The following MAD1L1 variants were observed in gnomAD, a reference collection of about 807,000 sequenced individuals.
The protein encoded by MAD1L1 is mitotic spindle assembly checkpoint protein MAD1.
A neutral mutation model predicts 96.9 loss-of-function variants in MAD1L1; 95 were observed. The observed-to-expected ratio is 0.98, with a 90% CI of 0.83 to 1.16. MAD1L1 has a LOEUF of 1.16. MAD1L1 is among the 50% of genes most tolerant of loss of function. The pLI is 0.00. For missense variants in MAD1L1, 1,007 were observed against 954.4 expected (o/e 1.06, Z -0.73); for synonymous variants, 473 against 396.6 (o/e 1.19, Z -2.29).
At chr7:2,044,250 G>A (rs929589653) in intron 12 of MAD1L1, among the ~76,000 whole-genome samples, 3 of 152,224 alleles carry the variant, frequency 2.0e-5, no homozygotes, top group African/African-American at 7.2e-5. Flanking sequence ...AACACTGTGA[G>A]GACACGCTGG....
At chr7:2,179,287 T>C (rs529720716) in intron 10 of MAD1L1, among the ~76,000 whole-genome samples, 2 of 152,114 alleles carry the variant, frequency 1.3e-5, no homozygotes, top group African/African-American at 4.8e-5. Context: ...CCCAGCACTT[T>C]GGGAGGCCGA....
At chr7:2,061,451 A>G (rs1297105063) in intron 12 of MAD1L1, among the ~76,000 whole-genome samples, 1 of 152,266 alleles carries the variant, frequency 6.6e-6, no homozygotes, top group Admixed American at 6.5e-5. Flanking sequence ...GCCAGTGAGC[A>G]TGTAAAAAGC....
At chr7:1,873,081 T>C (rs1051943564) in intron 18 of MAD1L1, among the ~76,000 whole-genome samples, 2 of 152,254 alleles carry the variant, frequency 1.3e-5, no homozygotes, top group Non-Finnish European at 2.9e-5. Context: ...AAGGGCTGCA[T>C]GCCGAGCCGT....
chr7:2,069,442 G>C, intron 11 of MAD1L1, 104 bp from the exon 12 acceptor site: 3 of 1,150,766 alleles, frequency 2.6e-6, no homozygotes, highest in South Asian at 1.7e-5. Flanking sequence ...TCCTAAAATA[G>C]AGCTGCACGT....
intron 17 of MAD1L1, among the ~76,000 whole-genome samples, chr7:1,929,073 C>T (rs753382246): frequency 2.6e-5 from 4 of 152,340 alleles, no homozygotes; most frequent in Admixed American, 2.0e-4. Flanking sequence ...GGCCTCCCCT[C>T]GAGGGCACCC....
rs1040986260 is a variant in MAD1L1 at position 1,956,739 on chromosome 7, C to T, written c.1596+890G>A. On this transcript the variant is annotated intron_variant, in intron 16 of 18. Coordinates refer to ENST00000265854, the MANE Select transcript of MAD1L1 (RefSeq NM_001013836.2). ...TGAGCTCCCGAGCACACGCCGTCTG[C>T]GCAGAACAGGGATGGTGGCCAGGCC... 3.3e-5 allele frequency among the ~76,000 whole-genome samples: 5 copies of T among 152,364 alleles called. No individual in the cohort carries two copies. The South Asian group carries it at 6.2e-4, about 19-fold the overall frequency.
intron 12 of MAD1L1, among the ~76,000 whole-genome samples, chr7:2,035,422 G>A (rs4248175): frequency 0.037 from 44 of 1,200 alleles, 6 homozygotes; most frequent in South Asian, 0.29. Context: ...GCATGAGCGC[G>A]GGAGCACTGA....
intron 11 of MAD1L1, among the ~76,000 whole-genome samples, chr7:2,081,254 G>A (rs977445952): frequency 6.6e-6 from 1 of 152,172 alleles, no homozygotes. Flanking sequence ...GTGGGCAGAG[G>A]AGTCACTTGG....
intron 18 of MAD1L1, among the ~76,000 whole-genome samples, chr7:1,817,891 C>T (rs1781906958): frequency 6.6e-6 from 1 of 151,990 alleles, no homozygotes; most frequent in South Asian, 2.1e-4. Flanking sequence ...CGCCCCTCCC[C>T]TCACCACCTT....
At chr7:1,903,497 C>G (rs1255730149) in intron 17 of MAD1L1, among the ~76,000 whole-genome samples, 276 of 82,212 alleles carry the variant, frequency 3.4e-3, no homozygotes, top group Middle Eastern at 0.033. Context: ...CAAGATTGAT[C>G]AAGCACTGTT....
chr7:2,057,181 T>A (rs1188343212), intron 12 of MAD1L1, among the ~76,000 whole-genome samples: 2 of 152,236 alleles, frequency 1.3e-5, no homozygotes, highest in Non-Finnish European at 2.9e-5. Flanking sequence ...AGCTCCCTGC[T>A]GTTTTCCACA....
chr7:2,152,062 T>A (rs1156483452), intron 10 of MAD1L1, among the ~76,000 whole-genome samples: 1 of 152,204 alleles, frequency 6.6e-6, no homozygotes, highest in African/African-American at 2.4e-5. Context: ...GAGGTGGGTG[T>A]GACCTGGAGT....
chr7:1,893,843 T>C (rs1243634817), intron 18 of MAD1L1, among the ~76,000 whole-genome samples: 3 of 152,146 alleles, frequency 2.0e-5, no homozygotes, highest in Non-Finnish European at 4.4e-5. Context: ...GTGTCTCTTA[T>C]CTCTCCTCTG....
chr7:1,919,047 C>G (rs1389890710), intron 17 of MAD1L1, among the ~76,000 whole-genome samples: 1 of 152,262 alleles, frequency 6.6e-6, no homozygotes, highest in Non-Finnish European at 1.5e-5. Context: ...TGATCCGGCC[C>G]CTCCCCAGCA....
rs1679049176 is a variant in MAD1L1, at chr7:1,980,448, CG to C, written c.1505+4del. Reference sequence around the variant, plus strand: ...GCGTGTCCGCCTCCTCTCTGGGGGACGTACCTGAGCGTGTCCGCCTCCTCCC... The same window carrying C: ...GCGTGTCCGCCTCCTCTCTGGGGGACTACCTGAGCGTGTCCGCCTCCTCCC... On this transcript the variant is annotated splice_donor_region_variant and intron_variant, in intron 15 of 18. Coordinates refer to ENST00000265854, the MANE Select transcript of MAD1L1 (RefSeq NM_001013836.2). 6.2e-7 allele frequency: 1 copy of C among 1,609,210 alleles called. No individual in the cohort carries two copies. Among genetic ancestry groups the C allele is most frequent in the East Asian group, 2.2e-5 (1 of 44,782 alleles).
intron 15 of MAD1L1, among the ~76,000 whole-genome samples, chr7:1,958,644 A>G (rs1362978421): frequency 6.6e-6 from 1 of 152,232 alleles, no homozygotes; most frequent in Non-Finnish European, 1.5e-5. Flanking sequence ...TAAAATTCAC[A>G]ATGCCTGCCA....
rs556091661 is a variant in MAD1L1 at position 2,132,682 on chromosome 7, T to C, written c.1073+16470A>G. On this transcript the variant is annotated intron_variant, in intron 11 of 18. Transcript: ENST00000265854. The stretch of plus-strand genomic sequence containing the variant: ...CAGACTGTCCTCTTTCACTGTGCAA[T>C]ATATATTTAAGATTCTTCCACGTCT... 2.6e-5 allele frequency among the ~76,000 whole-genome samples: 4 copies of C among 152,368 alleles called. No individual in the cohort carries two copies. The South Asian group carries it at 8.3e-4, about 32-fold the overall frequency.
At chr7:1,946,946 G>A (rs1236821304) in intron 16 of MAD1L1, among the ~76,000 whole-genome samples, 1 of 152,218 alleles carries the variant, frequency 6.6e-6, no homozygotes, top group African/African-American at 2.4e-5. Flanking sequence ...CCCAAGTCCT[G>A]GAGGAGGAGG....
At chr7:1,844,650 G>A (rs1783488665) in intron 18 of MAD1L1, among the ~76,000 whole-genome samples, 1 of 152,214 alleles carries the variant, frequency 6.6e-6, no homozygotes, top group Non-Finnish European at 1.5e-5. Flanking sequence ...CCAAAGCTGG[G>A]GGGAGTCCAG....
Sources: allele counts gnomAD v4.1 joint callset (sites outside exome capture counted in the v4.1 genomes callset), GRCh38; gene constraint gnomAD v4.1.1; transcripts MANE v1.5; gene names NCBI Gene and HGNC (gene_info 2026-07-23, HGNC 2026-07-21).